Variants in DMD observed in about 807,000 individuals in gnomAD.
The protein encoded by DMD is mutant dystrophin.
Under a neutral mutation model 330.1 loss-of-function variants are expected in DMD, and 63 were observed. The observed-to-expected ratio is 0.19, with a 90% CI of 0.16 to 0.24. DMD has a LOEUF of 0.24. DMD is among the 10% of genes least tolerant of loss of function. The pLI, the probability that DMD is intolerant of heterozygous loss-of-function variation, is 1.00. For synonymous variants in DMD, 1,223 were observed against 959.8 expected, an observed-to-expected ratio of 1.27 and a Z score of -5.07; for missense variants, 3,344 against 2,684.1, an observed-to-expected ratio of 1.25 and a Z score of -5.43.
In DMD at chrX:32,137,559, T is replaced by TC. The variant is rs770947028; in HGVS notation, c.6438+79356dup. Among the ~76,000 whole-genome samples, 345 of 111,342 alleles carry TC rather than the reference T, an allele frequency of 3.1e-3. 1 individual carries two copies. The highest frequency in any genetic ancestry group is 0.01 in the African/African-American group (319 of 30,658). ...TGGCCTTTCATTGAGTAAAAGATAT[T>TC]CCTTCCAGAGTAGAGCTGGTAAAGC... is the stretch of plus-strand genomic sequence containing the variant. On this transcript the variant is annotated intron_variant, in intron 44 of 78. Coordinates refer to ENST00000357033, the MANE Select transcript of DMD (RefSeq NM_004006.3).
chrX:31,596,325 GCAAAATT>G (rs1024279024), intron 55 of DMD, among the ~76,000 whole-genome samples: 1 of 111,877 alleles, frequency 8.9e-6, no homozygotes, highest in Non-Finnish European at 1.9e-5. Context: ...ACTTCTTTGG[GCAAAATT>G]CAAAATTTCA....
At chrX:32,593,561 C>A (rs1405268368) in intron 13 of DMD, among the ~76,000 whole-genome samples, 1 of 110,951 alleles carries the variant, frequency 9.0e-6, no homozygotes, top group Non-Finnish European at 1.9e-5. Flanking sequence ...TCCAGGGTTC[C>A]AAGGAAGGCA....
intron 9 of DMD, among the ~76,000 whole-genome samples, chrX:32,670,661 T>C (rs2061575967): frequency 8.9e-6 from 1 of 112,223 alleles, no homozygotes; most frequent in African/African-American, 3.2e-5. Context: ...GCAAACCTTG[T>C]TCTATTTGGA....
intron 13 of DMD, among the ~76,000 whole-genome samples, chrX:32,580,903 T>G (rs1291514883): frequency 5.4e-5 from 6 of 111,055 alleles, no homozygotes; most frequent in Non-Finnish European, 7.5e-5. Context: ...CTCGGCTCAC[T>G]GCAACCTCCA....
chrX:31,801,411 C>T (rs898346422), intron 50 of DMD, among the ~76,000 whole-genome samples: 4 of 111,624 alleles, frequency 3.6e-5, no homozygotes, highest in African/African-American at 1.3e-4. Flanking sequence ...GATTACAATT[C>T]AAGGTGAGAT....
intron 55 of DMD, among the ~76,000 whole-genome samples, chrX:31,512,168 T>A (rs1191195806): frequency 2.7e-5 from 3 of 110,952 alleles, no homozygotes; most frequent in South Asian, 3.8e-4. Context: ...TTCACCCACT[T>A]TTTGATGGGG....
intron 1 of DMD, among the ~76,000 whole-genome samples, chrX:33,287,445 C>G (rs142609538): frequency 0.023 from 2,483 of 110,338 alleles, 85 homozygotes; most frequent in African/African-American, 0.077. Flanking sequence ...CAAACTCATG[C>G]CTGGTTGAGA....
chrX:33,021,205 T>A (rs1364259608), intron 1 of DMD, among the ~76,000 whole-genome samples: 1 of 111,160 alleles, frequency 9.0e-6, no homozygotes, highest in Non-Finnish European at 1.9e-5. Flanking sequence ...CCCAAAGATT[T>A]ATACTAAGGG....
chrX:31,645,352 A>T (rs1185229383), intron 54 of DMD, among the ~76,000 whole-genome samples: 1 of 112,165 alleles, frequency 8.9e-6, no homozygotes, highest in Non-Finnish European at 1.9e-5. Flanking sequence ...ATCAATCTCT[A>T]TCCTCTCTCT....
At chrX:32,702,620 A>G (rs2064234852) in intron 7 of DMD, among the ~76,000 whole-genome samples, 1 of 111,651 alleles carries the variant, frequency 9.0e-6, no homozygotes, top group East Asian at 2.8e-4. Flanking sequence ...AAATTTTATT[A>G]AAGTAAATTC....
chrX:33,124,357 T>G (rs1456132799), intron 1 of DMD, among the ~76,000 whole-genome samples: 2 of 104,588 alleles, frequency 1.9e-5, no homozygotes, highest in Admixed American at 2.1e-4. Flanking sequence ...GCGCCTGTAG[T>G]CCCAGCTATT....
At chrX:33,059,106 T>C (rs1021135719) in intron 1 of DMD, among the ~76,000 whole-genome samples, 1 of 111,648 alleles carries the variant, frequency 9.0e-6, no homozygotes. Context: ...GACTTTGTAC[T>C]TAGTGCTTGT....
chrX:33,319,361 G>A (rs7064730), intron 1 of DMD, among the ~76,000 whole-genome samples: 5,818 of 111,242 alleles, frequency 0.052, 390 homozygotes, highest in African/African-American at 0.18. Flanking sequence ...AGAGAAGGGA[G>A]GGGTGGGATA....
chrX:32,939,858 A>G (rs1172088804), intron 2 of DMD, among the ~76,000 whole-genome samples: 2 of 111,154 alleles, frequency 1.8e-5, no homozygotes, highest in Non-Finnish European at 3.8e-5. Flanking sequence ...CTTACAGAAC[A>G]CTACTAAAAT....
At chrX:32,637,945 C>G (rs1050615081) in intron 11 of DMD, among the ~76,000 whole-genome samples, 1 of 111,985 alleles carries the variant, frequency 8.9e-6, no homozygotes, top group Admixed American at 9.4e-5. Context: ...ATACGGCTCT[C>G]TCATTTCTGT....
intron 1 of DMD, among the ~76,000 whole-genome samples, chrX:33,248,332 C>T (rs753771837): frequency 4.5e-5 from 5 of 112,205 alleles, no homozygotes; most frequent in South Asian, 3.7e-4. Flanking sequence ...TGAGCCACTG[C>T]GCCTGGCCGC....
intron 44 of DMD, among the ~76,000 whole-genome samples, chrX:32,069,938 T>C (rs1172952160): frequency 1.8e-5 from 2 of 111,683 alleles, no homozygotes; most frequent in Non-Finnish European, 3.8e-5. Flanking sequence ...AGGAGGACAT[T>C]ATACCACGAT....
At chrX:33,153,897 C>G (rs1357875614) in intron 1 of DMD, among the ~76,000 whole-genome samples, 2 of 112,042 alleles carry the variant, frequency 1.8e-5, no homozygotes, top group Admixed American at 1.9e-4. Context: ...ATAAGTCATA[C>G]GATACAATAT....
At chrX:33,020,450 G>A (rs1452547868) in intron 1 of DMD, among the ~76,000 whole-genome samples, 1 of 111,985 alleles carries the variant, frequency 8.9e-6, no homozygotes, top group Non-Finnish European at 1.9e-5. Context: ...AGTGAGGACG[G>A]ATCACTTGAG....
Sources: gnomAD v4.1 joint callset for allele counts (sites outside exome capture counted in the v4.1 genomes callset) on GRCh38, gnomAD v4.1.1 for gene constraint, MANE v1.5 for transcripts, NCBI Gene and HGNC (gene_info 2026-07-23, HGNC 2026-07-21) for gene names.